Variants in AEBP2 observed in about 807,000 individuals in gnomAD.
AEBP2 encodes the protein AE binding protein 2.
A neutral mutation model predicts 50.8 loss-of-function variants in AEBP2; 10 were observed. The observed-to-expected ratio is 0.20, with a 90% confidence interval of 0.12 to 0.33. The LOEUF is 0.33. Among genes scored for constraint, AEBP2 ranks in the 10% least tolerant of loss-of-function variants. The probability of loss-of-function intolerance (pLI) is 1.00; values close to 1 mark genes in which losing one functional copy is unlikely to be tolerated. For synonymous variants in AEBP2, 296 were observed against 261.3 expected, an observed-to-expected ratio of 1.13 and a Z score of -1.28; for missense variants, 570 against 688.0, an observed-to-expected ratio of 0.83 and a Z score of 1.92.
chr12:19,444,808 G>A (rs1444404605), intron 1 of AEBP2, among the ~76,000 whole-genome samples: 1 of 152,164 alleles, frequency 6.6e-6, no homozygotes, highest in Non-Finnish European at 1.5e-5. Flanking sequence ...ATCTTTGTAA[G>A]TACCTAACAT....
intron 1 of AEBP2, chr12:19,440,597 C>T (rs1947937890): frequency 4.1e-6 from 6 of 1,469,278 alleles, no homozygotes; most frequent in Non-Finnish European, 5.4e-6. Context: ...CCTTTCCCCG[C>T]CCTCTTTCCC....
intron 1 of AEBP2, among the ~76,000 whole-genome samples, chr12:19,444,370 A>T (rs188015086): frequency 6.6e-6 from 1 of 152,334 alleles, no homozygotes; most frequent in East Asian, 1.9e-4. Context: ...TTTAAATGGA[A>T]TTTTAATATT....
intron 1 of AEBP2, among the ~76,000 whole-genome samples, chr12:19,431,010 TAA>T (rs34747616): frequency 7.4e-6 from 1 of 135,966 alleles, no homozygotes; most frequent in Non-Finnish European, 1.5e-5. Context: ...AGACCCTGTC[TAA>T]AAAAAAAAAA....
At chr12:19,466,843 C>G in intron 2 of AEBP2, 2 of 971,396 alleles carry the variant, frequency 2.1e-6, no homozygotes, top group East Asian at 1.1e-4. Context: ...GACAGTTTTA[C>G]TGGAGCAGTA....
intron 3 of AEBP2, among the ~76,000 whole-genome samples, chr12:19,487,635 T>A (rs1189622182): frequency 1.3e-5 from 2 of 152,028 alleles, no homozygotes; most frequent in African/African-American, 4.8e-5. Context: ...GGAGAATCCC[T>A]TGAAGCTGGG....
At position 19,439,524 on chromosome 12, in the gene AEBP2, T is replaced by G; in HGVS notation, c.-176T>G. Reference sequence around the variant, plus strand: ...GTGTGAGTGCGCGTAGTCGCGCGCCTGTCCCCGCGCGGGCTCCGTAGCGCG... The same window carrying G: ...GTGTGAGTGCGCGTAGTCGCGCGCCGGTCCCCGCGCGGGCTCCGTAGCGCG... On this transcript the variant is annotated 5_prime_UTR_variant, in exon 1 of 8. Coordinates refer to ENST00000266508, the MANE Select transcript of AEBP2 (RefSeq NM_153207.5). The G allele has an allele frequency of 1.2e-6, 1 of 818,504 alleles. No individual in the cohort carries two copies. Among genetic ancestry groups the G allele is most frequent in the Non-Finnish European group, 1.8e-6 (1 of 558,394 alleles). The allele number at this position is 818,504 out of a possible 1,614,324, so 50.7% of individuals were successfully genotyped here.
At chr12:19,486,203 G>T (rs749726533) in intron 3 of AEBP2, among the ~76,000 whole-genome samples, 1 of 151,886 alleles carries the variant, frequency 6.6e-6, no homozygotes, top group Admixed American at 6.6e-5. Flanking sequence ...ATGAACTCTT[G>T]TATGAACTCT....
At chr12:19,507,359 C>A (rs939006616) in intron 5 of AEBP2, among the ~76,000 whole-genome samples, 1 of 152,046 alleles carries the variant, frequency 6.6e-6, no homozygotes, top group African/African-American at 2.4e-5. Flanking sequence ...TCCTTAGCTT[C>A]ACCATGGGAG....
intron 1 of AEBP2, chr12:19,457,575 C>A: frequency 6.8e-7 from 1 of 1,478,860 alleles, no homozygotes; most frequent in South Asian, 1.3e-5. Flanking sequence ...GTTCAGATGG[C>A]CAGTAGTGGT....
chr12:19,435,115 G>C (rs768847975), upstream of AEBP2, among the ~76,000 whole-genome samples: 3 of 149,612 alleles, frequency 2.0e-5, no homozygotes, highest in Non-Finnish European at 4.4e-5. Context: ...AAATATCTTA[G>C]TACATACCTG....
At chr12:19,457,432 T>A in intron 1 of AEBP2, 1 of 1,516,872 alleles carries the variant, frequency 6.6e-7, no homozygotes, top group South Asian at 1.2e-5. Flanking sequence ...GAGGTATTAA[T>A]GGTGATACCA....
intron 1 of AEBP2, among the ~76,000 whole-genome samples, chr12:19,416,277 A>G (rs2095742536): frequency 6.6e-6 from 1 of 152,254 alleles, no homozygotes; most frequent in South Asian, 2.1e-4. Flanking sequence ...AAATTGGTTC[A>G]GGTTAGTTTG....
chr12:19,511,297 TG>T (rs1260072050), intron 5 of AEBP2, among the ~76,000 whole-genome samples: 3 of 152,248 alleles, frequency 2.0e-5, no homozygotes, highest in African/African-American at 7.2e-5. Context: ...TTAATGCTGC[TG>T]GTGCACAGAA....
intron 1 of AEBP2, among the ~76,000 whole-genome samples, chr12:19,458,275 G>T (rs1948309258): frequency 6.6e-6 from 1 of 152,208 alleles, no homozygotes; most frequent in African/African-American, 2.4e-5. Flanking sequence ...GGCAGCATGG[G>T]TCTGGGGCCA....
chr12:19,457,046 T>G, intron 1 of AEBP2: 1 of 1,608,420 alleles, frequency 6.2e-7, no homozygotes, highest in Non-Finnish European at 8.5e-7. Flanking sequence ...TTGTCACCAT[T>G]CCAACCAGAA....
intron 3 of AEBP2, among the ~76,000 whole-genome samples, chr12:19,477,770 T>C (rs1044392912): frequency 6.6e-6 from 1 of 152,208 alleles, no homozygotes; most frequent in Non-Finnish European, 1.5e-5. Context: ...TTCCTGATTT[T>C]GGTATTAGGG....
chr12:19,427,674 T>G (rs1414719755), intron 1 of AEBP2, among the ~76,000 whole-genome samples: 1 of 152,112 alleles, frequency 6.6e-6, no homozygotes, highest in Non-Finnish European at 1.5e-5. Context: ...CAAAAAACCA[T>G]ACATACAAAC....
At chr12:19,456,427 C>T (rs1053961698) in intron 1 of AEBP2, 2 of 1,401,708 alleles carry the variant, frequency 1.4e-6, no homozygotes, top group African/African-American at 2.8e-5. Context: ...GGAACCATAT[C>T]AACGTTGGCA....
At chr12:19,473,581 C>T (rs1358969505) in intron 3 of AEBP2, among the ~76,000 whole-genome samples, 1 of 151,790 alleles carries the variant, frequency 6.6e-6, no homozygotes, top group Non-Finnish European at 1.5e-5. Context: ...AATTTTTGTA[C>T]TTTTAGTAGA....
Sources: gnomAD v4.1 joint callset for allele counts (sites outside exome capture counted in the v4.1 genomes callset) on GRCh38, gnomAD v4.1.1 for gene constraint, MANE v1.5 for transcripts, NCBI Gene and HGNC (gene_info 2026-07-23, HGNC 2026-07-21) for gene names.